ITGA9: variants seen among roughly 807,000 people sequenced by gnomAD.
The protein encoded by ITGA9 is integrin subunit alpha 9, also known as integrin alpha-9.
ITGA9 carries 56 observed loss-of-function variants against 127.8 expected under a neutral mutation model. That is an observed-to-expected ratio of 0.44 (90% CI 0.35 to 0.55). ITGA9 has a LOEUF of 0.55. Among genes scored for constraint, ITGA9 ranks in the 20% least tolerant of loss-of-function variants. The pLI is 0.00. For synonymous variants in ITGA9, 508 were observed against 514.5 expected (o/e 0.99, Z 0.17); for missense variants, 1,196 against 1,347.1 (o/e 0.89, Z 1.76).
intron 17 of ITGA9, among the ~76,000 whole-genome samples, chr3:37,680,042 G>A (rs573984637): frequency 1.4e-4 from 21 of 152,184 alleles, no homozygotes; most frequent in South Asian, 6.2e-4. Flanking sequence ...CTGGGGACAT[G>A]ATAGTCAGGG....
intron 15 of ITGA9, among the ~76,000 whole-genome samples, chr3:37,613,275 C>T (rs1248005604): frequency 3.9e-5 from 6 of 152,082 alleles, no homozygotes; most frequent in Non-Finnish European, 7.4e-5. Context: ...CATCCATGTC[C>T]CTACAAAGGA....
chr3:37,593,885 T>TGGCCTTGGCCTTGGCCTC (rs1218410967), intron 15 of ITGA9, among the ~76,000 whole-genome samples: 1 of 151,914 alleles, frequency 6.6e-6, no homozygotes, highest in Non-Finnish European at 1.5e-5. Flanking sequence ...CTGCTCTCCT[T>TGGCCTTGGCCTTGGCCTC]GGCCTTGGCC....
At chr3:37,796,398 T>G (rs1697173575) in intron 26 of ITGA9, among the ~76,000 whole-genome samples, 1 of 152,190 alleles carries the variant, frequency 6.6e-6, no homozygotes. Flanking sequence ...AGACTGCCTG[T>G]TTTATTCATC....
At chr3:37,773,934 A>G (rs1696874160) in intron 23 of ITGA9, among the ~76,000 whole-genome samples, 1 of 152,230 alleles carries the variant, frequency 6.6e-6, no homozygotes, top group South Asian at 2.1e-4. Flanking sequence ...CTTCATTCTT[A>G]TGTTTCACAC....
At chr3:37,788,973 T>C (rs947361344) in intron 26 of ITGA9, among the ~76,000 whole-genome samples, 4 of 152,206 alleles carry the variant, frequency 2.6e-5, no homozygotes, top group Non-Finnish European at 5.9e-5. Flanking sequence ...TTTTTATAAC[T>C]GTAAAGATGA....
intron 5 of ITGA9, among the ~76,000 whole-genome samples, chr3:37,498,648 G>A (rs1379125862): frequency 6.6e-6 from 1 of 152,216 alleles, no homozygotes; most frequent in Non-Finnish European, 1.5e-5. Flanking sequence ...AGCAAAGTGG[G>A]GACATGGTGG....
chr3:37,673,166 A>G (rs879550814), intron 17 of ITGA9, among the ~76,000 whole-genome samples: 11 of 152,194 alleles, frequency 7.2e-5, no homozygotes, highest in Non-Finnish European at 1.0e-4. Flanking sequence ...GAAATCTCGG[A>G]GCTTTCATTG....
intron 14 of ITGA9, among the ~76,000 whole-genome samples, chr3:37,541,815 C>T (rs906248712): frequency 2.6e-5 from 4 of 152,196 alleles, no homozygotes; most frequent in Non-Finnish European, 4.4e-5. Flanking sequence ...TTTATGCCTG[C>T]GTTGTTCATT....
intron 18 of ITGA9, among the ~76,000 whole-genome samples, chr3:37,724,136 T>G (rs1420393649): frequency 2.0e-5 from 3 of 152,172 alleles, no homozygotes; most frequent in Admixed American, 2.0e-4. Context: ...CCACTCAGCC[T>G]CTGGGCACAC....
At chr3:37,511,119 T>C (rs1698900757) in intron 8 of ITGA9, among the ~76,000 whole-genome samples, 1 of 152,198 alleles carries the variant, frequency 6.6e-6, no homozygotes, top group Non-Finnish European at 1.5e-5. Context: ...CTGCTTCCGT[T>C]TGGCTAGAAT....
At chr3:37,718,772 C>T (rs566395924) in intron 18 of ITGA9, among the ~76,000 whole-genome samples, 25 of 152,296 alleles carry the variant, frequency 1.6e-4, no homozygotes, top group Admixed American at 1.0e-3. Flanking sequence ...TGCATGCCGA[C>T]GCCACATGCA....
At chr3:37,728,356 T>A (rs76881079) in intron 18 of ITGA9, among the ~76,000 whole-genome samples, 3,907 of 152,368 alleles carry the variant, frequency 0.026, 73 homozygotes, top group Non-Finnish European at 0.039. Context: ...CCAAAATTTG[T>A]ATTTTTAATT....
chr3:37,523,587 G>A lies in ITGA9; in HGVS notation c.1303G>A (p.Asp435Asn). 1 of 1,613,532 alleles carries A rather than the reference G, an allele frequency of 6.2e-7. No individual in the cohort carries two copies. The highest frequency in any genetic ancestry group is 8.5e-7 in the Non-Finnish European group (1 of 1,179,518). ...TGGTCAGTCCATATCGGGAGGCATTGATATGGATGGAAATGGCTATCCTGG... is the reference window on the plus strand; with the variant it reads ...TGGTCAGTCCATATCGGGAGGCATTAATATGGATGGAAATGGCTATCCTGG... ...MFGQSISGGI[D>N]MDGNGYPDVT... The change falls in exon 12 of 28, where the codon GAT (aspartate) becomes AAT (asparagine). Residue 435 changes from aspartate (D) to asparagine (N), a missense_variant. By Grantham distance (23) the Asp-to-Asn change is conservative. Transcript: ENST00000264741.
At chr3:37,659,880 A>G (rs1237058292) in intron 17 of ITGA9, among the ~76,000 whole-genome samples, 3 of 152,032 alleles carry the variant, frequency 2.0e-5, no homozygotes, top group African/African-American at 7.2e-5. Flanking sequence ...GACGTACACT[A>G]GTACATTTTA....
intron 16 of ITGA9, among the ~76,000 whole-genome samples, chr3:37,646,744 G>A (rs1700381985): frequency 6.6e-6 from 1 of 152,200 alleles, no homozygotes; most frequent in South Asian, 2.1e-4. Flanking sequence ...AAGCAGCCAA[G>A]CTTGTGTTTG....
intron 23 of ITGA9, among the ~76,000 whole-genome samples, chr3:37,756,629 T>C (rs1696655549): frequency 6.6e-6 from 1 of 152,226 alleles, no homozygotes; most frequent in Non-Finnish European, 1.5e-5. Context: ...CTAGTAGTAG[T>C]ACCTATCTCA....
chr3:37,785,856 C>T (rs1697034514), intron 26 of ITGA9, among the ~76,000 whole-genome samples: 1 of 152,086 alleles, frequency 6.6e-6, no homozygotes, highest in African/African-American at 2.4e-5. Context: ...TATTTACCAC[C>T]CCCTTCTCCT....
intron 23 of ITGA9, among the ~76,000 whole-genome samples, chr3:37,757,663 CAAAA>C (rs543823504): frequency 6.6e-6 from 1 of 150,950 alleles, no homozygotes; most frequent in Non-Finnish European, 1.5e-5. Context: ...AAAAACAAAA[CAAAA>C]AAATCTTTTC....
chr3:37,698,520 G>A (rs1700912666), intron 18 of ITGA9, among the ~76,000 whole-genome samples: 1 of 152,184 alleles, frequency 6.6e-6, no homozygotes, highest in Non-Finnish European at 1.5e-5. Context: ...TGTATAAGGT[G>A]TAAGGAAGAG....
Sources: gnomAD v4.1 joint callset for allele counts (sites outside exome capture counted in the v4.1 genomes callset) on GRCh38, gnomAD v4.1.1 for gene constraint, MANE v1.5 for transcripts, NCBI Gene and HGNC (gene_info 2026-07-23, HGNC 2026-07-21) for gene names.